Variants in FGD4 observed in about 807,000 individuals in gnomAD.
The protein encoded by FGD4 is FYVE, RhoGEF and PH domain-containing protein 4.
Under a neutral mutation model 102.0 loss-of-function variants are expected in FGD4, and 42 were observed. That is an observed-to-expected ratio of 0.41 (90% CI 0.32 to 0.53). FGD4 has a LOEUF of 0.53. FGD4 is among the 20% of genes least tolerant of loss of function. The pLI is 0.21. For missense variants in FGD4, 902 were observed against 1,078.2 expected (o/e 0.84, Z 2.29); for synonymous variants, 380 against 375.7 (o/e 1.01, Z -0.13).
rs1951128362 is a variant in FGD4, at chr12:32,640,951, A to G, written c.*418A>G. On this transcript the variant is annotated 3_prime_UTR_variant, in exon 17 of 17. Transcript: ENST00000534526. Reference sequence around the variant, plus strand: ...AAAATAGATCCATGGTGAAAAATACAGGGACAGTTGAGGCTATTGTATTAA... The same window carrying G: ...AAAATAGATCCATGGTGAAAAATACGGGGACAGTTGAGGCTATTGTATTAA... The G allele has an allele frequency of 6.7e-6, 2 of 297,602 alleles. No homozygotes were observed. Among genetic ancestry groups the G allele is most frequent in the Non-Finnish European group, 1.3e-5 (2 of 159,316 alleles). 18.4% of individuals were successfully genotyped at this position (297,602 alleles called of 1,614,324 possible). A position where few individuals can be genotyped will look rare whatever the true frequency, so the allele number is the denominator to read the frequency against.
At chr12:32,404,481 G>A (rs556517479) in intron 1 of FGD4, among the ~76,000 whole-genome samples, 21 of 151,914 alleles carry the variant, frequency 1.4e-4, no homozygotes, top group Non-Finnish European at 2.6e-4. Context: ...AAAATAGGTG[G>A]TATTATTACA....
At chr12:32,473,555 A>C (rs1201095203) in intron 1 of FGD4, among the ~76,000 whole-genome samples, 1 of 151,370 alleles carries the variant, frequency 6.6e-6, no homozygotes, top group Non-Finnish European at 1.5e-5. Flanking sequence ...GAAGGGACAG[A>C]CTCCAGACGC....
At chr12:32,593,334 A>C (rs1444448375) in intron 4 of FGD4, among the ~76,000 whole-genome samples, 5 of 152,208 alleles carry the variant, frequency 3.3e-5, no homozygotes, top group African/African-American at 4.8e-5. Context: ...TGATTTACTC[A>C]TCTCCATCCC....
intron 1 of FGD4, among the ~76,000 whole-genome samples, chr12:32,444,713 G>A (rs927597627): frequency 4.6e-5 from 7 of 152,106 alleles, no homozygotes. Flanking sequence ...CCTAAGCAAT[G>A]ATTTTTGACA....
Position 32,645,249 on chromosome 12 carries a change from G to A in FGD4, c.*4716G>A, listed in dbSNP as rs557137485. ...TATTGGAATGTATCACTTGTGGGGG[G>A]TTCTCTTCATTAGCAAAACAGTCAT... On this transcript the variant is annotated 3_prime_UTR_variant, in exon 17 of 17. Transcript: ENST00000534526. 1 of 151,920 alleles carries A rather than the reference G, an allele frequency of 6.6e-6. No homozygotes were observed. The highest frequency in any genetic ancestry group is 6.6e-5 in the Admixed American group (1 of 15,244). The allele number at this position is 151,920 out of a possible 1,614,324, so 9.4% of individuals were successfully genotyped here.
intron 16 of FGD4, among the ~76,000 whole-genome samples, chr12:32,639,975 G>T (rs1204869447): frequency 6.6e-6 from 1 of 152,144 alleles, no homozygotes; most frequent in Non-Finnish European, 1.5e-5. Context: ...GTATGATGGC[G>T]ATTTTTCTTC....
At position 32,624,472 on chromosome 12, in the gene FGD4, CCTTTT is replaced by C; in HGVS notation, c.1953+25_1953+29del. The C allele has an allele frequency of 6.3e-7, 1 of 1,578,430 alleles. No individual in the cohort carries two copies. Among genetic ancestry groups the C allele is most frequent in the Non-Finnish European group, 8.6e-7 (1 of 1,162,116 alleles). The stretch of plus-strand genomic sequence containing the variant: ...ATCAAGGTAAGCCTCATTTCTGTTT[CCTTTT>C]CTTTCTTTTTTTTTTTGAGGCAGAG... On this transcript the variant is annotated intron_variant, in intron 12 of 16. Coordinates refer to ENST00000534526, the MANE Select transcript of FGD4 (RefSeq NM_001370298.3).
At chr12:32,636,021 T>G (rs910504029) in intron 15 of FGD4, among the ~76,000 whole-genome samples, 2 of 141,356 alleles carry the variant, frequency 1.4e-5, no homozygotes, top group African/African-American at 5.7e-5. Flanking sequence ...CTAATAATAA[T>G]AATAATAATA....
chr12:32,552,304 G>C (rs1264741869), intron 1 of FGD4, among the ~76,000 whole-genome samples: 1 of 152,188 alleles, frequency 6.6e-6, no homozygotes, highest in Non-Finnish European at 1.5e-5. Context: ...CTGTCGCCCA[G>C]GCTGGAGTGC....
intron 1 of FGD4, among the ~76,000 whole-genome samples, chr12:32,450,613 G>C (rs956606481): frequency 2.0e-5 from 3 of 152,116 alleles, no homozygotes; most frequent in Admixed American, 1.3e-4. Context: ...AGTGGAAAAG[G>C]GTGTATACAA....
At chr12:32,633,829 C>T (rs543095529) in intron 15 of FGD4, 140 bp downstream of exon 15, 22 of 731,368 alleles carry the variant, frequency 3.0e-5, no homozygotes, top group Non-Finnish European at 4.7e-5. Context: ...AATTACAGGC[C>T]CACGCCACCA....
chr12:32,622,397 T>A (rs1949897367), intron 11 of FGD4, among the ~76,000 whole-genome samples: 1 of 152,154 alleles, frequency 6.6e-6, no homozygotes. Context: ...GGCTAATTGG[T>A]GAGGAATTTT....
chr12:32,491,807 T>C (rs1328723024), intron 1 of FGD4, among the ~76,000 whole-genome samples: 1 of 152,228 alleles, frequency 6.6e-6, no homozygotes, highest in Non-Finnish European at 1.5e-5. Flanking sequence ...TTTCTAGCAA[T>C]GGCAATTTGT....
At chr12:32,632,383 G>C (rs1330298167) in intron 14 of FGD4, among the ~76,000 whole-genome samples, 1 of 152,218 alleles carries the variant, frequency 6.6e-6, no homozygotes, top group African/African-American at 2.4e-5. Flanking sequence ...AGAGAACACT[G>C]ACAGTAGACA....
intron 14 of FGD4, among the ~76,000 whole-genome samples, chr12:32,626,773 G>A (rs1386543746): frequency 6.6e-6 from 1 of 152,218 alleles, no homozygotes; most frequent in Non-Finnish European, 1.5e-5. Flanking sequence ...ATGTGGGTAA[G>A]TTGGCGTTTT....
chr12:32,610,918 A>C (rs1372885534), intron 9 of FGD4, 84 bp downstream of exon 9: 3 of 1,443,194 alleles, frequency 2.1e-6, no homozygotes, highest in Non-Finnish European at 2.9e-6. Context: ...ATTTGGACCA[A>C]AGTGAATTGA....
intron 10 of FGD4, among the ~76,000 whole-genome samples, chr12:32,614,329 G>A (rs1949320339): frequency 6.6e-6 from 1 of 152,150 alleles, no homozygotes; most frequent in Admixed American, 6.5e-5. Context: ...TTCCCAGTAC[G>A]ATCCTGAAGA....
Position 32,399,871 on chromosome 12 carries a change from G to A in FGD4, c.78G>A (p.Gly26=). Reference sequence around the variant, plus strand: ...CCAACCCCTCCTACCTGCCGCCCGGGGTGCCCCGGCCCTGGAGCAGGCCCG... The same window carrying A: ...CCAACCCCTCCTACCTGCCGCCCGGAGTGCCCCGGCCCTGGAGCAGGCCCG... The part of the protein sequence containing the change: ...RKSNPSYLPP[G]VPRPWSRPAS... The change falls in exon 1 of 17, where the codon GGG becomes GGA. Residue 26 remains glycine, a synonymous_variant. Coordinates refer to ENST00000534526, the MANE Select transcript of FGD4 (RefSeq NM_001370298.3). 4 of 1,531,440 alleles carry A rather than the reference G, an allele frequency of 2.6e-6. No homozygotes were observed. The highest frequency in any genetic ancestry group is 3.5e-6 in the Non-Finnish European group (4 of 1,145,270). The allele number at this position is 1,531,440 out of a possible 1,614,324, so 94.9% of individuals were successfully genotyped here. A position where few individuals can be genotyped will look rare whatever the true frequency, so the allele number is the denominator to read the frequency against.
chr12:32,543,086 A>G (rs1942970608), intron 1 of FGD4, among the ~76,000 whole-genome samples: 1 of 152,228 alleles, frequency 6.6e-6, no homozygotes, highest in Non-Finnish European at 1.5e-5. Flanking sequence ...ACCGTAAATC[A>G]GAGGTTCCCA....
Sources: gnomAD v4.1 joint callset for allele counts (sites outside exome capture counted in the v4.1 genomes callset) on GRCh38, gnomAD v4.1.1 for gene constraint, MANE v1.5 for transcripts, NCBI Gene and HGNC (gene_info 2026-07-23, HGNC 2026-07-21) for gene names.